Variants in RFX3 observed in about 807,000 individuals in gnomAD.
RFX3 encodes the protein regulatory factor X3.
In RFX3, 14 loss-of-function variants were observed where a neutral mutation model predicts 98.6. That is an observed-to-expected ratio of 0.14 (90% CI 0.09 to 0.22). The LOEUF (loss-of-function observed/expected upper bound fraction) is 0.22, where lower values mean the gene tolerates loss of function less well. RFX3 is among the 10% of genes least tolerant of loss of function. The pLI, the probability that RFX3 is intolerant of heterozygous loss-of-function variation, is 1.00. For missense variants in RFX3, 639 were observed against 926.9 expected, an observed-to-expected ratio of 0.69 and a Z score of 4.03; for synonymous variants, 383 against 328.4, an observed-to-expected ratio of 1.17 and a Z score of -1.80.
At chr9:3,520,444 T>C (rs983837364) in intron 1 of RFX3, among the ~76,000 whole-genome samples, 2 of 152,210 alleles carry the variant, frequency 1.3e-5, no homozygotes, top group African/African-American at 4.8e-5. Flanking sequence ...TTAGAGTATA[T>C]ATTGCTGTGA....
intron 8 of RFX3, among the ~76,000 whole-genome samples, chr9:3,276,794 T>G (rs1399043021): frequency 2.0e-5 from 3 of 152,108 alleles, no homozygotes; most frequent in Admixed American, 6.6e-5. Flanking sequence ...GCCACTTTTT[T>G]GCCCCTTTGG....
At chr9:3,368,122 G>A (rs1023037263) in intron 2 of RFX3, among the ~76,000 whole-genome samples, 2 of 152,118 alleles carry the variant, frequency 1.3e-5, no homozygotes, top group African/African-American at 4.8e-5. Flanking sequence ...GCCTCTAAGT[G>A]AAAATGCAAT....
At position 3,366,304 on chromosome 9, in the gene RFX3, T is replaced by G. The variant is rs143685027; in HGVS notation, c.118-19540A>C. ...GAACCTAGGTGAGATATGTGTGTTT[T>G]CCTACTTCTTGTTTGTTTTTTTGCA... On this transcript the variant is annotated intron_variant, in intron 2 of 16. Transcript: ENST00000617270. Among the ~76,000 whole-genome samples, 753 of 152,276 alleles carry G rather than the reference T, an allele frequency of 4.9e-3. 7 individuals carry two copies. The highest frequency in any genetic ancestry group is 8.2e-3 in the Admixed American group (126 of 15,292).
chr9:3,449,933 C>G (rs116716269), intron 1 of RFX3, among the ~76,000 whole-genome samples: 1 of 148,418 alleles, frequency 6.7e-6, no homozygotes, highest in East Asian at 2.0e-4. Flanking sequence ...TAGTTTAGGA[C>G]AAATAGTGAT....
chr9:3,409,369 T>A (rs575470257), intron 1 of RFX3, among the ~76,000 whole-genome samples: 1 of 152,242 alleles, frequency 6.6e-6, no homozygotes, highest in Non-Finnish European at 1.5e-5. Context: ...AAGCATTCAG[T>A]ATTTGAAATA....
chr9:3,349,069 C>T (rs1315496140), intron 2 of RFX3, among the ~76,000 whole-genome samples: 1 of 152,048 alleles, frequency 6.6e-6, no homozygotes, highest in African/African-American at 2.4e-5. Context: ...TAGAAATACA[C>T]ATATTTTTTG....
chr9:3,382,333 A>G (rs1371757009), intron 2 of RFX3, among the ~76,000 whole-genome samples: 1 of 152,216 alleles, frequency 6.6e-6, no homozygotes, highest in Non-Finnish European at 1.5e-5. Context: ...AAAAATCTGT[A>G]TTCTGTCCCA....
chr9:3,499,639 G>A (rs2133624706), intron 1 of RFX3, among the ~76,000 whole-genome samples: 1 of 152,030 alleles, frequency 6.6e-6, no homozygotes, highest in South Asian at 2.1e-4. Flanking sequence ...AGACATTAAG[G>A]GACAGCTTCT....
At chr9:3,375,933 C>G (rs572486274) in intron 2 of RFX3, among the ~76,000 whole-genome samples, 60 of 151,922 alleles carry the variant, frequency 3.9e-4, no homozygotes, top group Admixed American at 1.2e-3. Flanking sequence ...GCACTCCAGC[C>G]TGGGTGACAG....
intron 13 of RFX3, among the ~76,000 whole-genome samples, chr9:3,258,643 C>G (rs1822448280): frequency 6.6e-6 from 1 of 151,598 alleles, no homozygotes; most frequent in Non-Finnish European, 1.5e-5. Flanking sequence ...TTTAAGTATA[C>G]TAAAATATCA....
chr9:3,219,310 G>A lies in RFX3; in HGVS notation c.*5732C>T, dbSNP rs1319379178. 6.6e-6 allele frequency: 1 copy of A among 151,962 alleles called. No homozygotes were observed. Among genetic ancestry groups the A allele is most frequent in the Admixed American group, 6.6e-5 (1 of 15,242 alleles). The allele number at this position is 151,962 out of a possible 1,614,324, so 9.4% of individuals were successfully genotyped here. A position where few individuals can be genotyped will look rare whatever the true frequency, so the allele number is the denominator to read the frequency against. On this transcript the variant is annotated 3_prime_UTR_variant, in exon 17 of 17. Transcript: ENST00000617270. ...TTACTTGGTTATCAACAGTCAATGG[G>A]AGTTTTTATATTTTCTTTCCTCCCC...
intron 1 of RFX3, among the ~76,000 whole-genome samples, chr9:3,464,938 G>A (rs1466596325): frequency 6.6e-6 from 1 of 151,972 alleles, no homozygotes; most frequent in African/African-American, 2.4e-5. Context: ...AAAGTTATCG[G>A]TGGAAAGGTA....
rs993123814 is a variant in RFX3, at chr9:3,428,530, T to C, written c.-8-32934A>G. Among the ~76,000 whole-genome samples, 11 of 152,346 alleles carry C rather than the reference T, an allele frequency of 7.2e-5. No individual in the cohort carries two copies. In the East Asian group the frequency reaches 1.9e-3, roughly 27 times the overall value. ...AACAAGCAAAATATCAGCAATACTC[T>C]GCTACCATGCTGTCCTTCATAACCC... On this transcript the variant is annotated intron_variant, in intron 1 of 16. Coordinates refer to ENST00000617270, the MANE Select transcript of RFX3 (RefSeq NM_001282116.2).
chr9:3,242,583 T>C (rs1312313642), intron 15 of RFX3, among the ~76,000 whole-genome samples: 3 of 152,198 alleles, frequency 2.0e-5, no homozygotes, highest in African/African-American at 7.2e-5. Flanking sequence ...GCACCAATAT[T>C]TGTTTACTAT....
At chr9:3,318,159 T>A (rs964106187) in intron 4 of RFX3, among the ~76,000 whole-genome samples, 1 of 152,216 alleles carries the variant, frequency 6.6e-6, no homozygotes, top group African/African-American at 2.4e-5. Flanking sequence ...TAAGAAAATG[T>A]GGCACATATA....
intron 15 of RFX3, among the ~76,000 whole-genome samples, chr9:3,244,480 T>C (rs1055815688): frequency 1.3e-5 from 2 of 152,208 alleles, no homozygotes; most frequent in Non-Finnish European, 2.9e-5. Flanking sequence ...TTTCCTCTTG[T>C]CTGTTGCATT....
chr9:3,326,563 C>T (rs1587081769), intron 4 of RFX3, among the ~76,000 whole-genome samples: 1 of 152,082 alleles, frequency 6.6e-6, no homozygotes, highest in African/African-American at 2.4e-5. Flanking sequence ...TTAGCTTCCA[C>T]TTACAAGTGA....
At chr9:3,442,892 T>G (rs1451304895) in intron 1 of RFX3, among the ~76,000 whole-genome samples, 2 of 152,128 alleles carry the variant, frequency 1.3e-5, no homozygotes, top group Non-Finnish European at 2.9e-5. Context: ...AAATTAGACT[T>G]AATCAAAATT....
intron 1 of RFX3, among the ~76,000 whole-genome samples, chr9:3,417,620 C>T (rs1843090484): frequency 6.6e-6 from 1 of 152,096 alleles, no homozygotes. Flanking sequence ...AGAAAATGAA[C>T]ACATACTATC....
Sources: allele counts gnomAD v4.1 joint callset (sites outside exome capture counted in the v4.1 genomes callset), GRCh38; gene constraint gnomAD v4.1.1; transcripts MANE v1.5; gene names NCBI Gene and HGNC (gene_info 2026-07-23, HGNC 2026-07-21).